Variants in EPHB1 observed in about 807,000 individuals in gnomAD.
EPHB1 encodes EPH receptor B1.
In EPHB1, 30 loss-of-function variants were observed where a neutral mutation model predicts 94.4. That is an observed-to-expected ratio of 0.32 (90% CI 0.24 to 0.43). EPHB1 has a LOEUF of 0.43. Ranked by LOEUF, EPHB1 falls within the 20% of genes least tolerant of loss-of-function variation. The probability of loss-of-function intolerance (pLI) is 1.00; values close to 1 mark genes in which losing one functional copy is unlikely to be tolerated. For synonymous variants in EPHB1, 522 were observed against 489.1 expected, an observed-to-expected ratio of 1.07 and a Z score of -0.89; for missense variants, 1,055 against 1,308.3, an observed-to-expected ratio of 0.81 and a Z score of 2.99.
intron 12 of EPHB1, among the ~76,000 whole-genome samples, chr3:135,230,221 C>T (rs1427276606): frequency 6.6e-6 from 1 of 152,228 alleles, no homozygotes; most frequent in Non-Finnish European, 1.5e-5. Flanking sequence ...TTCTTGCCCC[C>T]TGTTCCATGG....
At chr3:134,964,385 C>T (rs1024684570) in intron 3 of EPHB1, among the ~76,000 whole-genome samples, 2 of 152,090 alleles carry the variant, frequency 1.3e-5, no homozygotes, top group African/African-American at 4.8e-5. Context: ...GGTCGCAAGC[C>T]CATACGTTAT....
At chr3:135,011,240 A>C (rs895038508) in intron 3 of EPHB1, among the ~76,000 whole-genome samples, 5 of 152,230 alleles carry the variant, frequency 3.3e-5, no homozygotes, top group African/African-American at 4.8e-5. Flanking sequence ...TGCAGTGGTC[A>C]GTTTTAGGGC....
intron 2 of EPHB1, among the ~76,000 whole-genome samples, chr3:134,941,668 G>A (rs1471795455): frequency 2.0e-5 from 3 of 151,768 alleles, no homozygotes; most frequent in Admixed American, 2.0e-4. Flanking sequence ...GGACCAATGA[G>A]TAGAGCCCAT....
chr3:135,014,449 A>G (rs1261455418), intron 3 of EPHB1, among the ~76,000 whole-genome samples: 1 of 152,186 alleles, frequency 6.6e-6, no homozygotes, highest in Non-Finnish European at 1.5e-5. Context: ...ATCCTAACTG[A>G]TACAAGAGTG....
chr3:135,252,166 T>C (rs1933136179), intron 15 of EPHB1, among the ~76,000 whole-genome samples: 1 of 151,910 alleles, frequency 6.6e-6, no homozygotes, highest in South Asian at 2.1e-4. Context: ...AATTTTTTTT[T>C]CTGTCCATAG....
In EPHB1 at chr3:134,829,983, A is replaced by G. The variant is rs757278395; in HGVS notation, c.58+34294A>G. Among the ~76,000 whole-genome samples the G allele has an allele frequency of 9.9e-5, 15 of 152,246 alleles. No homozygotes were observed. In the Middle Eastern group the frequency reaches 0.01, roughly 104 times the overall value. On this transcript the variant is annotated intron_variant, in intron 1 of 15. Transcript: ENST00000398015. ...CCCTCAGAAAGAACCAACCCTGCCA[A>G]CACCGTGATTTCAGATTTCTGCCTC...
At chr3:135,070,100 C>A (rs1166795458) in intron 3 of EPHB1, among the ~76,000 whole-genome samples, 1 of 152,166 alleles carries the variant, frequency 6.6e-6, no homozygotes, top group East Asian at 1.9e-4. Context: ...TCAAACACTG[C>A]AAATGAAACC....
chr3:135,049,832 C>T (rs1003942595), intron 3 of EPHB1, among the ~76,000 whole-genome samples: 3 of 152,138 alleles, frequency 2.0e-5, no homozygotes, highest in Non-Finnish European at 2.9e-5. Flanking sequence ...CCATGAGGAA[C>T]GCACAGCTTG....
At chr3:135,018,917 A>G (rs1362718574) in intron 3 of EPHB1, among the ~76,000 whole-genome samples, 1 of 152,216 alleles carries the variant, frequency 6.6e-6, no homozygotes, top group Non-Finnish European at 1.5e-5. Flanking sequence ...GAGCCTCGCC[A>G]GCTGATAGGG....
At chr3:135,144,554 C>T (rs1472052061) in intron 5 of EPHB1, among the ~76,000 whole-genome samples, 1 of 152,142 alleles carries the variant, frequency 6.6e-6, no homozygotes, top group African/African-American at 2.4e-5. Context: ...GCCACCCCAC[C>T]CTCAAACACA....
rs1305200941 is a variant in EPHB1, at chr3:135,133,001, C to A, written c.1249C>A (p.Pro417Thr). ...QAINGVSSKS[P>T]FPPQHVSVNI... ...CATCAATGGAGTCTCCAGCAAGAGT[C>A]CCTTCCCCCCACAGCACGTCTCTGT... The change falls in exon 5 of 16, where the codon CCC becomes ACC. Residue 417 changes from proline (P) to threonine (T), a missense_variant. Coordinates refer to ENST00000398015, the MANE Select transcript of EPHB1 (RefSeq NM_004441.5). 2 of 1,608,350 alleles carry A rather than the reference C, an allele frequency of 1.2e-6. No homozygotes were observed. Among genetic ancestry groups the A allele is most frequent in the Admixed American group, 1.7e-5 (1 of 59,918 alleles).
rs868281016 is a variant in EPHB1, at chr3:135,182,342, A to G, written c.1882+2360A>G. 5.9e-5 allele frequency among the ~76,000 whole-genome samples: 9 copies of G among 152,266 alleles called. No homozygotes were observed. In the South Asian group the frequency reaches 1.9e-3, roughly 32 times the overall value. ...TTGGGTTGCAACATGGCAACAAAAC[A>G]TGAAAAGAAGAGTCGGAAGTCCTTT... On this transcript the variant is annotated intron_variant, in intron 10 of 15. Transcript: ENST00000398015.
chr3:134,944,260 T>A (rs1316078875), intron 2 of EPHB1, among the ~76,000 whole-genome samples: 2 of 152,188 alleles, frequency 1.3e-5, no homozygotes, highest in Non-Finnish European at 2.9e-5. Flanking sequence ...TAGCATAATG[T>A]TTTAGAGATT....
At chr3:134,956,620 G>T (rs1306518353) in intron 3 of EPHB1, among the ~76,000 whole-genome samples, 1 of 152,118 alleles carries the variant, frequency 6.6e-6, no homozygotes, top group Admixed American at 6.5e-5. Flanking sequence ...AAAGATAGGG[G>T]CTGGTTTTAG....
At chr3:135,157,206 G>C (rs1375722943) in intron 6 of EPHB1, among the ~76,000 whole-genome samples, 1 of 152,198 alleles carries the variant, frequency 6.6e-6, no homozygotes, top group African/African-American at 2.4e-5. Flanking sequence ...GTGGTGCTGG[G>C]AAGGGAAAGA....
At chr3:135,235,508 A>T (rs934336976) in intron 12 of EPHB1, among the ~76,000 whole-genome samples, 4 of 152,254 alleles carry the variant, frequency 2.6e-5, no homozygotes. Flanking sequence ...TAATGGCCTG[A>T]CATTCAAATC....
intron 3 of EPHB1, among the ~76,000 whole-genome samples, chr3:135,041,814 G>T (rs1460433311): frequency 2.0e-5 from 3 of 152,132 alleles, no homozygotes; most frequent in African/African-American, 7.2e-5. Flanking sequence ...GCCCACATCT[G>T]GGGAGGGCCT....
intron 10 of EPHB1, among the ~76,000 whole-genome samples, chr3:135,184,313 A>G (rs954548397): frequency 6.6e-6 from 1 of 152,232 alleles, no homozygotes; most frequent in Non-Finnish European, 1.5e-5. Flanking sequence ...TGTGAGGCTG[A>G]AAAGTTGCAT....
At chr3:135,226,223 C>T (rs1394941905) in intron 12 of EPHB1, among the ~76,000 whole-genome samples, 1 of 152,200 alleles carries the variant, frequency 6.6e-6, no homozygotes, top group Non-Finnish European at 1.5e-5. Context: ...TGCCCTGTCT[C>T]ATGGCAGTTT....
Sources: allele counts gnomAD v4.1 joint callset (sites outside exome capture counted in the v4.1 genomes callset), GRCh38; gene constraint gnomAD v4.1.1; transcripts MANE v1.5; gene names NCBI Gene and HGNC (gene_info 2026-07-23, HGNC 2026-07-21).